AK8: variants seen among roughly 807,000 people sequenced by gnomAD.
AK8 encodes the protein adenylate kinase 8.
In AK8, 44 loss-of-function variants were observed where a neutral mutation model predicts 54.6. That is an observed-to-expected ratio of 0.81 (90% confidence interval 0.63 to 1.04). The LOEUF is 1.04. Ranked by LOEUF, AK8 falls within the 50% of genes least tolerant of loss-of-function variation. The pLI, the probability that AK8 is intolerant of heterozygous loss-of-function variation, is 0.00. For missense variants in AK8, 555 were observed against 613.6 expected, an observed-to-expected ratio of 0.90 and a Z score of 1.01; for synonymous variants, 239 against 245.6, an observed-to-expected ratio of 0.97 and a Z score of 0.25.
intron 11 of AK8, among the ~76,000 whole-genome samples, chr9:132,782,149 C>G (rs1358704136): frequency 6.6e-6 from 1 of 152,104 alleles, no homozygotes; most frequent in Non-Finnish European, 1.5e-5. Context: ...TTCCTTGCAA[C>G]CCTGCCCTAA....
At chr9:132,753,482 G>A (rs754799469) in intron 11 of AK8, among the ~76,000 whole-genome samples, 55 of 152,258 alleles carry the variant, frequency 3.6e-4, no homozygotes, top group Admixed American at 2.0e-4. Flanking sequence ...TTACTGAGAC[G>A]ATGGCTTTAT....
intron 10 of AK8, among the ~76,000 whole-genome samples, chr9:132,795,516 T>C (rs1588139210): frequency 6.6e-6 from 1 of 152,214 alleles, no homozygotes; most frequent in Non-Finnish European, 1.5e-5. Context: ...GAATCTGCCA[T>C]AGAGCCTTCC....
intron 11 of AK8, among the ~76,000 whole-genome samples, chr9:132,756,799 G>A (rs992858887): frequency 2.6e-5 from 4 of 151,826 alleles, no homozygotes; most frequent in African/African-American, 4.8e-5. Flanking sequence ...AGAGACAGGC[G>A]AATTCCGCAC....
rs968838391 is a variant in AK8 at position 132,878,007 on chromosome 9, G to A, written c.84+165C>T. On this transcript the variant is annotated intron_variant, in intron 1 of 12. Coordinates refer to ENST00000298545, the MANE Select transcript of AK8 (RefSeq NM_152572.3). The surrounding 1 kb of genome is among the most constrained non-coding windows in gnomAD (Gnocchi z 4.7). ...GGACCAGGAGCGTCCCCAGCTCGAG[G>A]GCCCCCTCGGGGTCACGGCGACACA... 1 of 1,511,372 alleles carries A rather than the reference G, an allele frequency of 6.6e-7. No homozygotes were observed. The highest frequency in any genetic ancestry group is 1.2e-5 in the South Asian group (1 of 82,624). 93.6% of individuals were successfully genotyped at this position (1,511,372 alleles called of 1,614,324 possible).
chr9:132,836,472 C>A lies in AK8; in HGVS notation c.403-7746G>T, dbSNP rs192300806. On this transcript the variant is annotated intron_variant, in intron 5 of 12. Transcript: ENST00000298545. ...AAAAAAATTGTTTAAAAAGGCAAAT[C>A]TCTGGGAAACAGGAGCAACTGGCAT... Among the ~76,000 whole-genome samples, 310 of 152,306 alleles carry A rather than the reference C, an allele frequency of 2.0e-3. 2 individuals carry two copies. The highest frequency in any genetic ancestry group is 3.1e-3 in the Non-Finnish European group (209 of 68,028).
chr9:132,764,477 G>A (rs1431500038), intron 11 of AK8, among the ~76,000 whole-genome samples: 1 of 152,072 alleles, frequency 6.6e-6, no homozygotes, highest in East Asian at 1.9e-4. Context: ...CAACAAAAAA[G>A]GACACATTAC....
intron 11 of AK8, among the ~76,000 whole-genome samples, chr9:132,762,382 C>T (rs567656604): frequency 4.3e-4 from 66 of 152,202 alleles, no homozygotes; most frequent in Non-Finnish European, 6.9e-4. Context: ...ATTTATTTTT[C>T]ACTGAATACC....
chr9:132,850,036 T>C (rs1483457902), intron 5 of AK8, among the ~76,000 whole-genome samples: 1 of 149,162 alleles, frequency 6.7e-6, no homozygotes, highest in Non-Finnish European at 1.5e-5. Flanking sequence ...CATTAGCCAC[T>C]GCATTCAACC....
intron 5 of AK8, among the ~76,000 whole-genome samples, chr9:132,831,388 G>A (rs1375281292): frequency 6.6e-6 from 1 of 152,048 alleles, no homozygotes; most frequent in Non-Finnish European, 1.5e-5. Flanking sequence ...CCTCAGCAAT[G>A]TTCACAATAA....
At chr9:132,824,493 A>G (rs1841793191) in intron 8 of AK8, among the ~76,000 whole-genome samples, 1 of 152,178 alleles carries the variant, frequency 6.6e-6, no homozygotes, top group Non-Finnish European at 1.5e-5. Flanking sequence ...CATCCTCAGC[A>G]CTACTGACAT....
intron 2 of AK8, among the ~76,000 whole-genome samples, chr9:132,874,881 C>T (rs1844019268): frequency 6.6e-6 from 1 of 152,164 alleles, no homozygotes; most frequent in Admixed American, 6.5e-5. Flanking sequence ...ATAAGTTGTG[C>T]TCCAAAAGAA....
intron 5 of AK8, among the ~76,000 whole-genome samples, chr9:132,832,278 T>A (rs1842139160): frequency 6.6e-6 from 1 of 151,924 alleles, no homozygotes; most frequent in Non-Finnish European, 1.5e-5. Flanking sequence ...TTTCTAGAAC[T>A]AATGAAGCAA....
At chr9:132,741,638 C>T (rs1564376082) in intron 11 of AK8, among the ~76,000 whole-genome samples, 1 of 152,160 alleles carries the variant, frequency 6.6e-6, no homozygotes, top group African/African-American at 2.4e-5. Flanking sequence ...CCCTAGTTTT[C>T]GTTTTTGTTT....
chr9:132,780,333 G>A (rs979263091), intron 11 of AK8, among the ~76,000 whole-genome samples: 3 of 152,366 alleles, frequency 2.0e-5, no homozygotes, highest in Middle Eastern at 3.4e-3. Flanking sequence ...AGCAGACTGC[G>A]CTGAGTGCGG....
At chr9:132,798,116 G>C (rs1418637623) in intron 10 of AK8, among the ~76,000 whole-genome samples, 2 of 152,222 alleles carry the variant, frequency 1.3e-5, no homozygotes, top group African/African-American at 4.8e-5. Context: ...GTCAAGACAA[G>C]CAACAGACCC....
At chr9:132,840,406 T>TCACACACACACA (rs55856402) in intron 5 of AK8, among the ~76,000 whole-genome samples, 5 of 143,042 alleles carry the variant, frequency 3.5e-5, no homozygotes, top group African/African-American at 1.0e-4. Context: ...AAGTGGACAC[T>TCACACACACACA]CACACACACA....
At position 132,756,320 on chromosome 9, in the gene AK8, C is replaced by T. The variant is rs116086015; in HGVS notation, c.1122-28786G>A. The stretch of plus-strand genomic sequence containing the variant: ...GAGGCCCTCAGTTTAAGCCATTCTG[C>T]CTTCTGCAGTGTCTGGGGAAAGCTG... On this transcript the variant is annotated intron_variant, in intron 11 of 12. Transcript: ENST00000298545. Among the ~76,000 whole-genome samples, 215 of 152,358 alleles carry T rather than the reference C, an allele frequency of 1.4e-3. 1 individual carries two copies. The highest frequency in any genetic ancestry group is 4.8e-3 in the African/African-American group (198 of 41,590).
intron 11 of AK8, among the ~76,000 whole-genome samples, chr9:132,792,432 G>A (rs1471593000): frequency 6.6e-6 from 1 of 152,248 alleles, no homozygotes; most frequent in African/African-American, 2.4e-5. Context: ...GTCCATCAAG[G>A]AGGGTGAAAG....
chr9:132,802,058 T>G (rs781127557), intron 10 of AK8, among the ~76,000 whole-genome samples: 1 of 152,168 alleles, frequency 6.6e-6, no homozygotes, highest in African/African-American at 2.4e-5. Flanking sequence ...GCGACTCATT[T>G]TACCTCCTAG....
Sources: allele counts gnomAD v4.1 joint callset (sites outside exome capture counted in the v4.1 genomes callset), GRCh38; gene constraint gnomAD v4.1.1; non-coding constraint Gnocchi (gnomAD v3.1); transcripts MANE v1.5; gene names NCBI Gene and HGNC (gene_info 2026-07-23, HGNC 2026-07-21).